Variants in LPCAT1 observed in about 807,000 individuals in gnomAD.
The protein encoded by LPCAT1 is lysophosphatidylcholine acyltransferase 1, also known as 1-acylglycerol-3-phosphate O-acyltransferase.
LPCAT1 carries 23 observed loss-of-function variants against 60.9 expected under a neutral mutation model. The ratio of observed to expected loss-of-function variants is 0.38; its 90% CI spans 0.27 to 0.53. The LOEUF (loss-of-function observed/expected upper bound fraction) is 0.53, where lower values mean the gene tolerates loss of function less well. LPCAT1 is among the 20% of genes least tolerant of loss of function. The probability of loss-of-function intolerance (pLI) is 0.82; values close to 1 mark genes in which losing one functional copy is unlikely to be tolerated. For missense variants in LPCAT1, 622 were observed against 723.6 expected (o/e 0.86, Z 1.61); for synonymous variants, 340 against 301.1 (o/e 1.13, Z -1.34).
chr5:1,465,265 C>A (rs574796857), intron 13 of LPCAT1, among the ~76,000 whole-genome samples: 21 of 146,504 alleles, frequency 1.4e-4, no homozygotes, highest in African/African-American at 5.1e-4. Flanking sequence ...AACACACATG[C>A]CCATGCACAC....
In LPCAT1 at chr5:1,463,423, C is replaced by T. The variant is rs111560122; in HGVS notation, c.*228G>A. 1,270 of 552,720 alleles carry T rather than the reference C, an allele frequency of 2.3e-3. 15 individuals are homozygous for T. The highest frequency in any genetic ancestry group is 0.022 in the African/African-American group (1,145 of 52,212). 34.2% of individuals were successfully genotyped at this position (552,720 alleles called of 1,614,324 possible). A position where few individuals can be genotyped will look rare whatever the true frequency, so the allele number is the denominator to read the frequency against. On this transcript the variant is annotated 3_prime_UTR_variant, in exon 14 of 14. Coordinates refer to ENST00000283415, the MANE Select transcript of LPCAT1 (RefSeq NM_024830.5). ...CTGACCCCACGGGGTCCAGGCCAGG[C>T]GGGGGATCCGCGTGCGCGCCCTCCG...
At chr5:1,507,435 C>A (rs1037608719) in intron 1 of LPCAT1, among the ~76,000 whole-genome samples, 8 of 152,222 alleles carry the variant, frequency 5.3e-5, no homozygotes, top group East Asian at 3.9e-4. Context: ...TACGATAAAC[C>A]AAGGCGTCCA....
intron 2 of LPCAT1, among the ~76,000 whole-genome samples, chr5:1,500,982 A>T (rs750939805): frequency 1.3e-5 from 2 of 152,150 alleles, no homozygotes; most frequent in Non-Finnish European, 2.9e-5. Context: ...CTGTCACTGC[A>T]GCCCAAGAGG....
intron 1 of LPCAT1, among the ~76,000 whole-genome samples, chr5:1,507,739 G>A (rs994398260): frequency 2.0e-5 from 3 of 152,234 alleles, no homozygotes; most frequent in African/African-American, 7.2e-5. Flanking sequence ...TCACACTCAC[G>A]TGACAGGGAT....
chr5:1,512,945 C>A (rs562701849), intron 1 of LPCAT1, among the ~76,000 whole-genome samples: 7 of 152,150 alleles, frequency 4.6e-5, no homozygotes, highest in Admixed American at 1.3e-4. Flanking sequence ...AGGTGCAGCC[C>A]GTGTAAAGAT....
At chr5:1,489,241 C>G (rs1043516224) in intron 4 of LPCAT1, among the ~76,000 whole-genome samples, 4 of 152,226 alleles carry the variant, frequency 2.6e-5, no homozygotes, top group Non-Finnish European at 4.4e-5. Flanking sequence ...AATCAGATCC[C>G]AGACAGTTCT....
intron 11 of LPCAT1, among the ~76,000 whole-genome samples, chr5:1,471,455 A>T (rs1017937029): frequency 2.0e-5 from 3 of 152,174 alleles, no homozygotes; most frequent in African/African-American, 7.2e-5. Context: ...GGGTGGTGAG[A>T]GGCACAGGTG....
intron 13 of LPCAT1, among the ~76,000 whole-genome samples, chr5:1,465,892 C>CGCACACACACGTGT (rs536294395): frequency 1.0e-3 from 151 of 151,628 alleles, no homozygotes; most frequent in African/African-American, 3.6e-3. Flanking sequence ...CAGGCGCACA[C>CGCACACACACGTGT]GCACACACAC....
intron 2 of LPCAT1, among the ~76,000 whole-genome samples, chr5:1,497,762 C>T (rs935438330): frequency 2.6e-5 from 4 of 152,174 alleles, no homozygotes; most frequent in Admixed American, 6.5e-5. Flanking sequence ...GGCCAACATA[C>T]GGGGAGTACC....
At chr5:1,472,188 G>A (rs914189149) in intron 11 of LPCAT1, among the ~76,000 whole-genome samples, 3 of 149,448 alleles carry the variant, frequency 2.0e-5, no homozygotes, top group African/African-American at 7.4e-5. Context: ...GGTCAGAGCA[G>A]GAGGAGGCGA....
At chr5:1,518,053 G>A (rs1736559306) in intron 1 of LPCAT1, among the ~76,000 whole-genome samples, 1 of 152,238 alleles carries the variant, frequency 6.6e-6, no homozygotes, top group South Asian at 2.1e-4. Context: ...TGAACCCGCA[G>A]GGCTGACGGA....
Position 1,523,932 on chromosome 5 carries a change from G to A in LPCAT1, c.-88C>T, listed in dbSNP as rs1478483522. 4 of 902,478 alleles carry A rather than the reference G, an allele frequency of 4.4e-6. No individual in the cohort carries two copies. The highest frequency in any genetic ancestry group is 4.0e-6 in the Non-Finnish European group (3 of 752,476). The allele number at this position is 902,478 out of a possible 1,614,324, so 55.9% of individuals were successfully genotyped here. On this transcript the variant is annotated 5_prime_UTR_variant, in exon 1 of 14. Coordinates refer to ENST00000283415, the MANE Select transcript of LPCAT1 (RefSeq NM_024830.5). This position sits in a 1 kb window ranked among gnomAD's most constrained non-coding sequence, Gnocchi z 7.1. ...AGCTGGGCGCGGGTCTCGGGGCGCGGGCCGAGGATGCGCGGCGGCTGGAGC... is the reference window on the plus strand; with the variant it reads ...AGCTGGGCGCGGGTCTCGGGGCGCGAGCCGAGGATGCGCGGCGGCTGGAGC...
At chr5:1,475,824 G>A (rs561363043) in intron 9 of LPCAT1, among the ~76,000 whole-genome samples, 2 of 101,326 alleles carry the variant, frequency 2.0e-5, no homozygotes, top group Non-Finnish European at 4.9e-5. Flanking sequence ...GCACGGCCCC[G>A]CCCAGGCCCA....
intron 11 of LPCAT1, among the ~76,000 whole-genome samples, chr5:1,471,399 C>G (rs892640251): frequency 2.0e-5 from 3 of 152,254 alleles, no homozygotes; most frequent in Non-Finnish European, 2.9e-5. Context: ...TTCTCAGTAA[C>G]TCCTCACACC....
chr5:1,517,467 A>G (rs1273653163), intron 1 of LPCAT1, among the ~76,000 whole-genome samples: 1 of 152,174 alleles, frequency 6.6e-6, no homozygotes, highest in Non-Finnish European at 1.5e-5. Context: ...GGAGTGGGAC[A>G]GGGAGCCACG....
intron 1 of LPCAT1, among the ~76,000 whole-genome samples, chr5:1,505,277 G>GA (rs1736147493): frequency 6.6e-6 from 1 of 151,358 alleles, no homozygotes; most frequent in Non-Finnish European, 1.5e-5. Context: ...CGCTGTTCCT[G>GA]AAACAGCACC....
At chr5:1,486,319 G>T (rs1735369305) in intron 5 of LPCAT1, among the ~76,000 whole-genome samples, 1 of 152,164 alleles carries the variant, frequency 6.6e-6, no homozygotes, top group African/African-American at 2.4e-5. Context: ...GGGGACTCAG[G>T]TGGACAGTGC....
Position 1,466,640 on chromosome 5 carries a change from G to A in LPCAT1, c.1420+109C>T, listed in dbSNP as rs905238567. ...ACACAGGGCAGCCTGGTGAATGGAG[G>A]CATGGCGGGGACTCCACTCCTGTCC... is the stretch of plus-strand genomic sequence containing the variant. On this transcript the variant is annotated intron_variant, in intron 13 of 13. Coordinates refer to ENST00000283415, the MANE Select transcript of LPCAT1 (RefSeq NM_024830.5). The A allele has an allele frequency of 2.1e-5, 26 of 1,211,252 alleles. No individual in the cohort carries two copies. In the African/African-American group the frequency reaches 3.7e-4, roughly 17 times the overall value. The allele number at this position is 1,211,252 out of a possible 1,614,324, so 75.0% of individuals were successfully genotyped here.
chr5:1,513,962 C>T (rs1041118536), intron 1 of LPCAT1, among the ~76,000 whole-genome samples: 1 of 151,806 alleles, frequency 6.6e-6, no homozygotes, highest in African/African-American at 2.4e-5. Flanking sequence ...GGCTCTCACC[C>T]GTGGGGCGGG....
Sources: allele counts gnomAD v4.1 joint callset (sites outside exome capture counted in the v4.1 genomes callset), GRCh38; gene constraint gnomAD v4.1.1; non-coding constraint Gnocchi (gnomAD v3.1); transcripts MANE v1.5; gene names NCBI Gene and HGNC (gene_info 2026-07-23, HGNC 2026-07-21).